The following CYP2B6 variants were observed in gnomAD, a reference collection of about 807,000 sequenced individuals.
The protein encoded by CYP2B6 is cytochrome P450 family 2 subfamily B member 6.
CYP2B6 carries 35 observed loss-of-function variants against 43.4 expected under a neutral mutation model. The observed-to-expected ratio is 0.81, with a 90% CI of 0.62 to 1.07. The LOEUF (loss-of-function observed/expected upper bound fraction) is 1.07, where lower values mean the gene tolerates loss of function less well. CYP2B6 is among the 50% of genes least tolerant of loss of function. CYP2B6 has a pLI of 0.00. For synonymous variants in CYP2B6, 239 were observed against 239.2 expected, an observed-to-expected ratio of 1.00 and a Z score of 0.01; for missense variants, 624 against 632.8, an observed-to-expected ratio of 0.99 and a Z score of 0.15.
At chr19:41,005,684 G>A (rs1465203657) in intron 3 of CYP2B6, among the ~76,000 whole-genome samples, 2 of 152,024 alleles carry the variant, frequency 1.3e-5, no homozygotes, top group Admixed American at 6.6e-5. Flanking sequence ...AGGAGGCTGA[G>A]ACAGGAGAAT....
At chr19:41,004,500 AG>A in intron 3 of CYP2B6, 54 bp downstream of exon 3, 2 of 1,593,018 alleles carry the variant, frequency 1.3e-6, no homozygotes, top group Non-Finnish European at 1.7e-6. Flanking sequence ...TGAGAGATGC[AG>A]GTGCACGGGA....
chr19:41,008,854 A>C (rs1969234297), intron 4 of CYP2B6, among the ~76,000 whole-genome samples: 1 of 152,080 alleles, frequency 6.6e-6, no homozygotes, highest in Non-Finnish European at 1.5e-5. Flanking sequence ...TGACACAGCA[A>C]GGGAGATGAG....
At chr19:40,993,388 T>C (rs1434590311) in intron 1 of CYP2B6, among the ~76,000 whole-genome samples, 1 of 151,744 alleles carries the variant, frequency 6.6e-6, no homozygotes, top group African/African-American at 2.4e-5. Context: ...TGGCAAAAGG[T>C]GAATGAGAAG....
intron 1 of CYP2B6, among the ~76,000 whole-genome samples, chr19:40,992,999 T>G (rs958480216): frequency 2.0e-5 from 3 of 152,142 alleles, no homozygotes; most frequent in Non-Finnish European, 2.9e-5. Context: ...TCTTTTAACT[T>G]GAGTGTGTCC....
intron 1 of CYP2B6, among the ~76,000 whole-genome samples, chr19:41,002,815 G>A (rs547099314): frequency 3.3e-5 from 5 of 152,202 alleles, no homozygotes; most frequent in South Asian, 2.1e-4. Flanking sequence ...CCAAATTGCT[G>A]GGATTACAGA....
chr19:41,013,861 A>G (rs551204216), intron 8 of CYP2B6, among the ~76,000 whole-genome samples: 2 of 152,344 alleles, frequency 1.3e-5, no homozygotes, highest in African/African-American at 4.8e-5. Context: ...GTCAGGCACT[A>G]TTTATCCACA....
At position 41,000,961 on chromosome 19, in the gene CYP2B6, C is replaced by A. The variant is rs1262270854; in HGVS notation, c.172-3040C>A. ...GGCTGAGGCAGGAGAATTGCTTGAA[C>A]CCAGGAGGCGGAGTTTGCCCTGAGC... On this transcript the variant is annotated intron_variant, in intron 1 of 8. Coordinates refer to ENST00000324071, the MANE Select transcript of CYP2B6 (RefSeq NM_000767.5). Among the ~76,000 whole-genome samples the A allele has an allele frequency of 2.6e-5, 4 of 152,150 alleles. No individual in the cohort carries two copies. The East Asian group carries it at 7.7e-4, about 29-fold the overall frequency.
chr19:41,015,916 G>A (rs1207942560), intron 8 of CYP2B6, among the ~76,000 whole-genome samples: 3 of 152,022 alleles, frequency 2.0e-5, no homozygotes, highest in Admixed American at 1.3e-4. Context: ...AGCCCTTTGA[G>A]GGAGGTGCCA....
chr19:40,999,913 C>T (rs1029866719), intron 1 of CYP2B6, among the ~76,000 whole-genome samples: 8 of 152,134 alleles, frequency 5.3e-5, no homozygotes, highest in East Asian at 3.9e-4. Flanking sequence ...AGGCTGGTCT[C>T]GAACTCCTGG....
chr19:40,996,701 C>T (rs1969004671), intron 1 of CYP2B6, among the ~76,000 whole-genome samples: 1 of 152,038 alleles, frequency 6.6e-6, no homozygotes, highest in Non-Finnish European at 1.5e-5. Context: ...GAATACGGAG[C>T]TTTTAGTAAT....
In CYP2B6 at chr19:41,017,393, T is replaced by G. The variant is rs959411293; in HGVS notation, c.*566T>G. On this transcript the variant is annotated 3_prime_UTR_variant, in exon 9 of 9. Coordinates refer to ENST00000324071, the MANE Select transcript of CYP2B6 (RefSeq NM_000767.5). Reference sequence around the variant, plus strand: ...AAGCTGAAATTCACATAACATAAAATTAGCTGTTTTAAAGTGTAAAATTTA... The same window carrying G: ...AAGCTGAAATTCACATAACATAAAAGTAGCTGTTTTAAAGTGTAAAATTTA... 1 of 152,160 alleles carries G rather than the reference T, an allele frequency of 6.6e-6. No individual in the cohort carries two copies. Among genetic ancestry groups the G allele is most frequent in the African/African-American group, 2.4e-5 (1 of 41,426 alleles). The allele number at this position is 152,160 out of a possible 1,614,324, so 9.4% of individuals were successfully genotyped here. A position where few individuals can be genotyped will look rare whatever the true frequency, so the allele number is the denominator to read the frequency against.
At chr19:41,014,423 A>G (rs1005865089) in intron 8 of CYP2B6, among the ~76,000 whole-genome samples, 7 of 151,846 alleles carry the variant, frequency 4.6e-5, no homozygotes, top group Non-Finnish European at 8.8e-5. Context: ...CTCCTGCCTC[A>G]GCCTCCCGAG....
chr19:40,997,244 G>T (rs988586492), intron 1 of CYP2B6, among the ~76,000 whole-genome samples: 1 of 151,848 alleles, frequency 6.6e-6, no homozygotes, highest in Non-Finnish European at 1.5e-5. Context: ...GCCCTATACC[G>T]GTAACTGCCA....
chr19:41,001,161 GGTCT>G (rs1026067548), intron 1 of CYP2B6, among the ~76,000 whole-genome samples: 8 of 152,104 alleles, frequency 5.3e-5, no homozygotes, highest in African/African-American at 1.9e-4. Flanking sequence ...TCCAGCAGGA[GGTCT>G]GTCTCCAAAG....
rs561830421 is a variant in CYP2B6, at chr19:40,992,201, C to CAA, written c.171+744_171+745dup. On this transcript the variant is annotated intron_variant, in intron 1 of 8. Coordinates refer to ENST00000324071, the MANE Select transcript of CYP2B6 (RefSeq NM_000767.5). ...TGGGTGACAGAGTGAGACTCCTTCT[C>CAA]AAAAAAAAAAAAAAAAAAAAGAATA... 9.3e-4 allele frequency among the ~76,000 whole-genome samples: 58 copies of CAA among 62,534 alleles called. 2 individuals are homozygous for CAA. The highest frequency in any genetic ancestry group is 8.7e-3 in the East Asian group (16 of 1,838). 41.0% of individuals were successfully genotyped at this position (62,534 alleles called of 152,430 possible). A position where few individuals can be genotyped will look rare whatever the true frequency, so the allele number is the denominator to read the frequency against.
chr19:40,999,507 C>A, intron 1 of CYP2B6, among the ~76,000 whole-genome samples: 1 of 151,974 alleles, frequency 6.6e-6, no homozygotes, highest in Admixed American at 6.6e-5. Context: ...ATGCCTATGT[C>A]CTGAATGGTA....
intron 6 of CYP2B6, among the ~76,000 whole-genome samples, chr19:41,011,912 A>G (rs1464687983): frequency 2.0e-5 from 3 of 152,112 alleles, no homozygotes; most frequent in Non-Finnish European, 4.4e-5. Context: ...ATTGGTCAAT[A>G]GAAAGTAGTG....
chr19:40,992,201 C>CAAAAAAAAAAAAAAAAAAAAA (rs561830421), intron 1 of CYP2B6, among the ~76,000 whole-genome samples: 46 of 62,570 alleles, frequency 7.4e-4, no homozygotes, highest in African/African-American at 2.3e-3. Flanking sequence ...GACTCCTTCT[C>CAAAAAAAAAAAAAAAAAAAAA]AAAAAAAAAA....
intron 3 of CYP2B6, among the ~76,000 whole-genome samples, chr19:41,005,971 T>G (rs973701220): frequency 6.6e-6 from 1 of 151,678 alleles, no homozygotes; most frequent in Non-Finnish European, 1.5e-5. Flanking sequence ...AGAGAGAGGC[T>G]GCACTAACCT....
Sources: allele counts gnomAD v4.1 joint callset (sites outside exome capture counted in the v4.1 genomes callset), GRCh38; gene constraint gnomAD v4.1.1; transcripts MANE v1.5; gene names NCBI Gene and HGNC (gene_info 2026-07-23, HGNC 2026-07-21).